Variants in FAM83G observed in about 807,000 individuals in gnomAD.
The protein encoded by FAM83G is scaffolding CK1 anchoring protein G.
A neutral mutation model predicts 61.5 loss-of-function variants in FAM83G; 38 were observed. The observed-to-expected ratio is 0.62, with a 90% CI of 0.48 to 0.81. The LOEUF (loss-of-function observed/expected upper bound fraction) is 0.81. Ranked by LOEUF, FAM83G falls within the 30% of genes least tolerant of loss-of-function variation. The pLI, the probability that FAM83G is intolerant of heterozygous loss-of-function variation, is 0.00. For synonymous variants in FAM83G, 470 were observed against 476.1 expected, an observed-to-expected ratio of 0.99 and a Z score of 0.17; for missense variants, 989 against 1,133.6, an observed-to-expected ratio of 0.87 and a Z score of 1.83.
At position 18,985,572 on chromosome 17, in the gene FAM83G, G is replaced by A. The variant is rs142805527; in HGVS notation, c.690+2675C>T. 1.2e-4 allele frequency among the ~76,000 whole-genome samples: 18 copies of A among 152,336 alleles called. No homozygotes were observed. In the East Asian group the frequency reaches 3.1e-3, roughly 26 times the overall value. On this transcript the variant is annotated intron_variant, in intron 3 of 5. Transcript: ENST00000388995. Reference sequence around the variant, plus strand: ...GGTCTGGGCCCAGCTAGCTCAAGGTGAGGGAGGTAGGCAGGGAAGGCAGGC... The same window carrying A: ...GGTCTGGGCCCAGCTAGCTCAAGGTAAGGGAGGTAGGCAGGGAAGGCAGGC...
rs540562358 is a variant in FAM83G at position 18,996,398 on chromosome 17, G to A, written c.522+7122C>T. ...CCTCCAGGGGGCTGGCAGAATTAGT[G>A]ACATGCCATCTGAAGAGGCCCAAGA... On this transcript the variant is annotated intron_variant, in intron 2 of 5. Coordinates refer to ENST00000388995, the MANE Select transcript of FAM83G (RefSeq NM_001039999.3). The surrounding 1 kb of genome is among the most constrained non-coding windows in gnomAD (Gnocchi z 4.4). Among the ~76,000 whole-genome samples the A allele has an allele frequency of 6.6e-6, 1 of 152,172 alleles. No individual in the cohort carries two copies. Among genetic ancestry groups the A allele is most frequent in the South Asian group, 2.1e-4 (1 of 4,804 alleles).
At position 18,975,099 on chromosome 17, in the gene FAM83G, C is replaced by CA. The variant is rs2042945881; in HGVS notation, c.2082+2484dup. On this transcript the variant is annotated intron_variant, in intron 5 of 5. Coordinates refer to ENST00000388995, the MANE Select transcript of FAM83G (RefSeq NM_001039999.3). The stretch of plus-strand genomic sequence containing the variant: ...ATAGAGGCAAATATCCCACCAATGG[C>CA]AAAAAGACATTCAGGGTCTTAGGGA... Among the ~76,000 whole-genome samples, 4 of 152,270 alleles carry CA rather than the reference C, an allele frequency of 2.6e-5. No individual in the cohort carries two copies. The South Asian group carries it at 8.3e-4, about 32-fold the overall frequency.
At chr17:18,979,474 T>A in intron 4 of FAM83G, 75 bp downstream of exon 4, 1 of 1,556,712 alleles carries the variant, frequency 6.4e-7, no homozygotes, top group Non-Finnish European at 8.7e-7. Context: ...ATAACCAGGG[T>A]TAGGATTAAG....
intron 3 of FAM83G, among the ~76,000 whole-genome samples, chr17:18,981,131 G>A (rs1263268443): frequency 6.6e-6 from 1 of 152,216 alleles, no homozygotes; most frequent in African/African-American, 2.4e-5. Context: ...AGGTGAAGGG[G>A]AGGCTGAGGG....
rs1369284765 is a variant in FAM83G, at chr17:18,978,859, G to A, written c.816-9C>T. 1.9e-6 allele frequency: 3 copies of A among 1,610,334 alleles called. No individual in the cohort carries two copies. The highest frequency in any genetic ancestry group is 3.3e-5 in the Admixed American group (2 of 59,960). The stretch of plus-strand genomic sequence containing the variant: ...CGGCCGACCACGTGAAGCTGCAACA[G>A]AGGGAGGGGGCGCTGGTCAGGCACA... On this transcript the variant is annotated splice_polypyrimidine_tract_variant and intron_variant, in intron 4 of 5. Transcript: ENST00000388995.
intron 3 of FAM83G, among the ~76,000 whole-genome samples, chr17:18,981,788 G>A (rs2043140455): frequency 6.6e-6 from 1 of 151,992 alleles, no homozygotes; most frequent in African/African-American, 2.4e-5. Context: ...CCCGCAGGCT[G>A]CAGGTTTGCA....
chr17:18,980,511 G>A (rs142167040), intron 3 of FAM83G, among the ~76,000 whole-genome samples: 30 of 152,288 alleles, frequency 2.0e-4, no homozygotes, highest in African/African-American at 7.2e-4. Context: ...CCTGGACCCT[G>A]AACACATAAG....
At chr17:18,972,565 C>T (rs2042880928) in intron 5 of FAM83G, among the ~76,000 whole-genome samples, 1 of 152,174 alleles carries the variant, frequency 6.6e-6, no homozygotes, top group Admixed American at 6.5e-5. Flanking sequence ...TGGGTTCCAA[C>T]AGTAAGAACG....
At chr17:18,994,449 G>GC (rs776865517) in intron 2 of FAM83G, among the ~76,000 whole-genome samples, 5 of 152,210 alleles carry the variant, frequency 3.3e-5, no homozygotes, top group Non-Finnish European at 7.3e-5. Flanking sequence ...GCTGCACAGA[G>GC]TGAACTCCAG....
intron 2 of FAM83G, among the ~76,000 whole-genome samples, chr17:18,997,699 C>T (rs749972157): frequency 1.3e-5 from 2 of 152,156 alleles, no homozygotes; most frequent in Non-Finnish European, 2.9e-5. Flanking sequence ...CTCTCTGCTG[C>T]GTTCCAGTGA....
At chr17:18,987,352 T>C (rs1421845484) in intron 3 of FAM83G, among the ~76,000 whole-genome samples, 1 of 152,202 alleles carries the variant, frequency 6.6e-6, no homozygotes, top group Non-Finnish European at 1.5e-5. Context: ...GAGGATTAAA[T>C]TAACCAATGC....
chr17:18,979,705 G>A (rs748454328), intron 3 of FAM83G, 32 bp from the exon 4 acceptor site: 19 of 1,611,364 alleles, frequency 1.2e-5, no homozygotes, highest in East Asian at 1.1e-4. Flanking sequence ...AGAATTACAC[G>A]ACTGCAACCC....
chr17:18,999,582 G>A (rs888586428), intron 2 of FAM83G, among the ~76,000 whole-genome samples: 2 of 152,184 alleles, frequency 1.3e-5, no homozygotes, highest in South Asian at 2.1e-4. Flanking sequence ...ACACAGCATG[G>A]TAAAGTGCCC....
intron 2 of FAM83G, among the ~76,000 whole-genome samples, chr17:18,989,302 T>A (rs2043350560): frequency 6.6e-6 from 1 of 152,118 alleles, no homozygotes; most frequent in South Asian, 2.1e-4. Context: ...CCCTGACTTG[T>A]CAGAGAGCAC....
At chr17:18,995,308 G>A (rs537028613) in intron 2 of FAM83G, among the ~76,000 whole-genome samples, 4 of 152,198 alleles carry the variant, frequency 2.6e-5, no homozygotes, top group African/African-American at 7.2e-5. Flanking sequence ...CCAACAAATC[G>A]AAATTCAAGA....
Position 18,972,322 on chromosome 17 carries a change from GCAGCCA to G in FAM83G, c.2083-580_2083-575del, listed in dbSNP as rs567423249. Reference sequence around the variant, plus strand: ...CCCCAGGGGTCCACCATAGGACAAGGCAGCCACAGCCAGCCTCTGTGGAATGAACGA... The same window carrying G: ...CCCCAGGGGTCCACCATAGGACAAGGCAGCCAGCCTCTGTGGAATGAACGA... On this transcript the variant is annotated intron_variant, in intron 5 of 5. Coordinates refer to ENST00000388995, the MANE Select transcript of FAM83G (RefSeq NM_001039999.3). Among the ~76,000 whole-genome samples the G allele has an allele frequency of 8.5e-5, 13 of 152,308 alleles. No individual in the cohort carries two copies. In the East Asian group the frequency reaches 2.5e-3, roughly 29 times the overall value.
intron 2 of FAM83G, among the ~76,000 whole-genome samples, chr17:18,994,416 G>C (rs2043510704): frequency 6.6e-6 from 1 of 152,198 alleles, no homozygotes; most frequent in African/African-American, 2.4e-5. Context: ...GGATTTGCAG[G>C]ACGGAGTGCC....
intron 3 of FAM83G, among the ~76,000 whole-genome samples, chr17:18,983,156 C>T (rs2043181852): frequency 1.3e-5 from 2 of 152,226 alleles, no homozygotes; most frequent in Admixed American, 6.5e-5. Context: ...GACCTGCCCA[C>T]TGTCTCCCAG....
At position 19,003,685 on chromosome 17, in the gene FAM83G, G is replaced by A; in HGVS notation, c.357C>T (p.Tyr119=). The change falls in exon 2 of 6, where the codon TAC becomes TAT. Residue 119 remains tyrosine (Y), a synonymous_variant. Coordinates refer to ENST00000388995, the MANE Select transcript of FAM83G (RefSeq NM_001039999.3). The surrounding 1 kb of genome is among the most constrained non-coding windows in gnomAD (Gnocchi z 4.5). ...TGGAGCGGTCCGACTTCTGGGGCCAGTACTCCAGGGAGGGCAGCGGCTCGG... is the reference window on the plus strand; with the variant it reads ...TGGAGCGGTCCGACTTCTGGGGCCAATACTCCAGGGAGGGCAGCGGCTCGG... The part of the protein sequence containing the change: ...IEAEPLPSLE[Y]WPQKSDRSIP... 1 of 1,610,232 alleles carries A rather than the reference G, an allele frequency of 6.2e-7. No individual in the cohort carries two copies. Among genetic ancestry groups the A allele is most frequent in the South Asian group, 1.1e-5 (1 of 90,816 alleles).
Sources: gnomAD v4.1 joint callset for allele counts (sites outside exome capture counted in the v4.1 genomes callset) on GRCh38, gnomAD v4.1.1 for gene constraint, Gnocchi (gnomAD v3.1) non-coding constraint, MANE v1.5 for transcripts, NCBI Gene and HGNC (gene_info 2026-07-23, HGNC 2026-07-21) for gene names.